The following CHST11 variants were observed in gnomAD, a reference collection of about 807,000 sequenced individuals.
CHST11 encodes C4S-1.
In CHST11, 9 loss-of-function variants were observed where a neutral mutation model predicts 30.4. That is an observed-to-expected ratio of 0.30 (90% CI 0.18 to 0.52). CHST11 has a LOEUF of 0.52. Among genes scored for constraint, CHST11 ranks in the 20% least tolerant of loss-of-function variants. The pLI, the probability that CHST11 is intolerant of heterozygous loss-of-function variation, is 0.97. For synonymous variants in CHST11, 152 were observed against 187.8 expected (o/e 0.81, Z 1.56); for missense variants, 348 against 460.6 (o/e 0.76, Z 2.24).
chr12:104,618,211 C>CTTCTT (rs1186192829), intron 2 of CHST11, among the ~76,000 whole-genome samples: 2 of 144,054 alleles, frequency 1.4e-5, no homozygotes, highest in African/African-American at 2.6e-5. Flanking sequence ...CTGGCTTCTT[C>CTTCTT]TTCTTTTCTT....
In CHST11 at chr12:104,616,788, G is replaced by A. The variant is rs1566009727; in HGVS notation, c.204+14797G>A. On this transcript the variant is annotated intron_variant, in intron 2 of 2. Coordinates refer to ENST00000303694, the MANE Select transcript of CHST11 (RefSeq NM_018413.6). ...CAGGAAACTTTTTAACAGACTCCCAGGTGGTCTGCACAATCATTAACTGGA... is the reference window on the plus strand; with the variant it reads ...CAGGAAACTTTTTAACAGACTCCCAAGTGGTCTGCACAATCATTAACTGGA... 2.6e-5 allele frequency among the ~76,000 whole-genome samples: 4 copies of A among 152,188 alleles called. No homozygotes were observed. In the South Asian group the frequency reaches 8.3e-4, roughly 32 times the overall value.
At chr12:104,587,425 T>G (rs1174501442) in intron 1 of CHST11, among the ~76,000 whole-genome samples, 1 of 152,176 alleles carries the variant, frequency 6.6e-6, no homozygotes, top group Non-Finnish European at 1.5e-5. Flanking sequence ...TGAGATAGGG[T>G]CTCAAGCGGT....
chr12:104,667,194 A>G (rs1421301695), intron 2 of CHST11, among the ~76,000 whole-genome samples: 1 of 152,180 alleles, frequency 6.6e-6, no homozygotes, highest in Non-Finnish European at 1.5e-5. Flanking sequence ...ATTTGGCCTG[A>G]GCTATTGACT....
intron 2 of CHST11, among the ~76,000 whole-genome samples, chr12:104,604,376 T>C (rs562943707): frequency 1.3e-5 from 2 of 152,314 alleles, no homozygotes; most frequent in East Asian, 3.9e-4. Context: ...CAGGGAAATG[T>C]AGCTGCAGGA....
Position 104,457,469 on chromosome 12 carries a change from G to A in CHST11, c.58G>A (p.Ala20Thr), listed in dbSNP as rs866233089. ...GAACAGAATCTGCCGGATGGTGCTG[G>A]CCACTTGCTTGGGATCCTTTATCCT... ...RMNRICRMVL[A>T]TCLGSFILVI... The change falls in exon 1 of 3, where the codon GCC becomes ACC. Residue 20 changes from alanine (A) to threonine (T), a missense_variant. This residue lies in a region of CHST11 where 135 missense variants were observed against 155.8 expected (regional missense o/e 0.87). Transcript: ENST00000303694. 3 of 1,614,214 alleles carry A rather than the reference G, an allele frequency of 1.9e-6. No homozygotes were observed. The highest frequency in any genetic ancestry group is 2.5e-6 in the Non-Finnish European group (3 of 1,180,004).
At chr12:104,519,670 G>A (rs978956173) in intron 1 of CHST11, among the ~76,000 whole-genome samples, 4 of 152,168 alleles carry the variant, frequency 2.6e-5, no homozygotes, top group African/African-American at 9.7e-5. Flanking sequence ...TTATGGCCCT[G>A]CTTGATGGAT....
intron 1 of CHST11, among the ~76,000 whole-genome samples, chr12:104,568,621 C>T (rs1054895386): frequency 3.3e-5 from 5 of 152,080 alleles, no homozygotes; most frequent in African/African-American, 7.2e-5. Context: ...ACAATGACAG[C>T]GGCACCTGTC....
At chr12:104,727,154 AC>A in intron 2 of CHST11, among the ~76,000 whole-genome samples, 1 of 151,970 alleles carries the variant, frequency 6.6e-6, no homozygotes. Flanking sequence ...CATTATTAGA[AC>A]CTTCTAGAAG....
At chr12:104,510,206 C>T (rs1488883738) in intron 1 of CHST11, among the ~76,000 whole-genome samples, 3 of 152,178 alleles carry the variant, frequency 2.0e-5, no homozygotes, top group African/African-American at 7.2e-5. Flanking sequence ...AGTGTTTATG[C>T]AGGAGATAGG....
chr12:104,635,469 C>G (rs904681623), intron 2 of CHST11, among the ~76,000 whole-genome samples: 3 of 152,216 alleles, frequency 2.0e-5, no homozygotes, highest in East Asian at 1.9e-4. Context: ...CATCTCATCA[C>G]AGGGGGGTTG....
Position 104,584,363 on chromosome 12 carries a change from T to A in CHST11, c.119-17543T>A, listed in dbSNP as rs576101344. Among the ~76,000 whole-genome samples, 12 of 151,864 alleles carry A rather than the reference T, an allele frequency of 7.9e-5. 1 individual carries two copies. In the South Asian group the frequency reaches 2.5e-3, roughly 32 times the overall value. On this transcript the variant is annotated intron_variant, in intron 1 of 2. Coordinates refer to ENST00000303694, the MANE Select transcript of CHST11 (RefSeq NM_018413.6). ...CCTCTGCCTCCCGGGTTCAAGCGCT[T>A]CTTATGCCTCAGCCTCCCCAGTAGC...
At chr12:104,639,982 T>C (rs2039360060) in intron 2 of CHST11, among the ~76,000 whole-genome samples, 1 of 152,246 alleles carries the variant, frequency 6.6e-6, no homozygotes. Flanking sequence ...AAGGATGCTC[T>C]ACATCATATG....
chr12:104,565,486 C>T (rs1390307944), intron 1 of CHST11, among the ~76,000 whole-genome samples: 1 of 151,694 alleles, frequency 6.6e-6, no homozygotes, highest in Non-Finnish European at 1.5e-5. Flanking sequence ...AGGCTGGTCT[C>T]GAACTCCTGA....
intron 2 of CHST11, among the ~76,000 whole-genome samples, chr12:104,648,683 G>A (rs992494351): frequency 6.6e-6 from 1 of 152,066 alleles, no homozygotes; most frequent in African/African-American, 2.4e-5. Flanking sequence ...GTGTGGTGGT[G>A]TGTACCTGTA....
intron 1 of CHST11, among the ~76,000 whole-genome samples, chr12:104,548,703 A>G (rs796184660): frequency 7.9e-5 from 12 of 152,310 alleles, no homozygotes; most frequent in African/African-American, 2.6e-4. Flanking sequence ...AAGTTTGGCA[A>G]AGGAAAGTGG....
chr12:104,541,114 C>T (rs1704877), intron 1 of CHST11, among the ~76,000 whole-genome samples: 17 of 147,668 alleles, frequency 1.2e-4, no homozygotes, highest in African/African-American at 1.5e-4. Context: ...AGAATCTCTC[C>T]CTCTCTCTCT....
At chr12:104,717,448 A>G (rs1471758476) in intron 2 of CHST11, among the ~76,000 whole-genome samples, 1 of 152,064 alleles carries the variant, frequency 6.6e-6, no homozygotes, top group East Asian at 1.9e-4. Flanking sequence ...TTTTCCGGGG[A>G]TGGTCATAAG....
chr12:104,716,753 A>C (rs970347956), intron 2 of CHST11, among the ~76,000 whole-genome samples: 4 of 152,250 alleles, frequency 2.6e-5, no homozygotes, highest in Non-Finnish European at 4.4e-5. Flanking sequence ...TCACAGGCCC[A>C]GAATTTACCT....
At chr12:104,604,027 A>G (rs990624968) in intron 2 of CHST11, among the ~76,000 whole-genome samples, 2 of 152,312 alleles carry the variant, frequency 1.3e-5, no homozygotes, top group Non-Finnish European at 1.5e-5. Context: ...CGCTGGGCAC[A>G]AAAGGGTGGA....
Sources: gnomAD v4.1 joint callset for allele counts (sites outside exome capture counted in the v4.1 genomes callset) on GRCh38, gnomAD v4.1.1 for gene constraint, gnomAD v4.1.1 regional missense constraint, MANE v1.5 for transcripts, NCBI Gene and HGNC (gene_info 2026-07-23, HGNC 2026-07-21) for gene names.